The following EPB41L3 variants were observed in gnomAD, a reference collection of about 807,000 sequenced individuals.
EPB41L3 encodes erythrocyte membrane protein band 4.1 like 3, also known as band 4.1-like protein 3.
A neutral mutation model predicts 127.1 loss-of-function variants in EPB41L3; 57 were observed. The ratio of observed to expected loss-of-function variants is 0.45; its 90% confidence interval spans 0.36 to 0.56. EPB41L3 has a LOEUF of 0.56. Ranked by LOEUF, EPB41L3 falls within the 20% of genes least tolerant of loss-of-function variation. EPB41L3 has a pLI of 0.00. For missense variants in EPB41L3, 1,273 were observed against 1,372.2 expected (o/e 0.93, Z 1.14); for synonymous variants, 572 against 549.5 (o/e 1.04, Z -0.57).
At chr18:5,596,756 TA>T (rs1201042463) in intron 3 of EPB41L3, among the ~76,000 whole-genome samples, 2 of 152,200 alleles carry the variant, frequency 1.3e-5, no homozygotes, top group Non-Finnish European at 2.9e-5. Context: ...TCTTTTAAAA[TA>T]AAAACATTAC....
intron 3 of EPB41L3, among the ~76,000 whole-genome samples, chr18:5,606,851 CA>C (rs2094658888): frequency 6.6e-6 from 1 of 151,488 alleles, no homozygotes; most frequent in Admixed American, 6.6e-5. Flanking sequence ...TGAATTTACA[CA>C]GTCCCTAACA....
intron 1 of EPB41L3, among the ~76,000 whole-genome samples, chr18:5,615,797 CAGAG>C (rs1343400578): frequency 6.6e-6 from 1 of 152,172 alleles, no homozygotes; most frequent in Non-Finnish European, 1.5e-5. Flanking sequence ...ATTTTTAACA[CAGAG>C]AGAGAAACAG....
At chr18:5,479,936 GTA>G (rs1158789131) in intron 2 of EPB41L3, 1 of 151,820 alleles carries the variant, frequency 6.6e-6, no homozygotes, top group African/African-American at 2.4e-5. Flanking sequence ...CTTTGGTATT[GTA>G]TATCAACAAC....
At chr18:5,589,339 C>T (rs1290456494) in intron 3 of EPB41L3, among the ~76,000 whole-genome samples, 1 of 149,422 alleles carries the variant, frequency 6.7e-6, no homozygotes, top group Admixed American at 6.7e-5. Context: ...ACTTGAATCT[C>T]TTGTAAAAGA....
chr18:5,578,300 G>T (rs1357373040), intron 3 of EPB41L3, among the ~76,000 whole-genome samples: 1 of 152,116 alleles, frequency 6.6e-6, no homozygotes, highest in Non-Finnish European at 1.5e-5. Flanking sequence ...TCAAGAAATT[G>T]TTACTGTTAG....
intron 1 of EPB41L3, among the ~76,000 whole-genome samples, chr18:5,500,092 G>T (rs77226736): frequency 0.021 from 3,121 of 152,050 alleles, 106 homozygotes; most frequent in African/African-American, 0.07. Flanking sequence ...AATCAGTTAC[G>T]ATTTTGAAGC....
chr18:5,622,524 G>C (rs191938120), intron 1 of EPB41L3, among the ~76,000 whole-genome samples: 1 of 152,292 alleles, frequency 6.6e-6, no homozygotes, highest in East Asian at 1.9e-4. Context: ...AGGCAATCTT[G>C]CTCATTTTAT....
At position 5,531,957 on chromosome 18, in the gene EPB41L3, C is replaced by G. The variant is rs556965710; in HGVS notation, c.-12+11956G>C. 1.8e-4 allele frequency among the ~76,000 whole-genome samples: 27 copies of G among 152,054 alleles called. 2 individuals are homozygous for G. In the South Asian group the frequency reaches 4.2e-3, roughly 23 times the overall value. On this transcript the variant is annotated intron_variant, in intron 1 of 22. Transcript: ENST00000341928. ...CACTATTACAAGGAAAGGCAAGGTA[C>G]AAGAAAAAAGAGTGGTAAGAGTAAG... is the stretch of plus-strand genomic sequence containing the variant.
In EPB41L3 at chr18:5,499,325, A is replaced by G. The variant is rs9949421; in HGVS notation, c.-11-10131T>C. ...ACATTGGTATGCGGTACTACTCTTC[A>G]CCTCCTATTCCTCTTTCAGAACTGG... On this transcript the variant is annotated intron_variant, in intron 1 of 22. Transcript: ENST00000341928. 4.6e-3 allele frequency among the ~76,000 whole-genome samples: 701 copies of G among 152,176 alleles called. 6 individuals are homozygous for G. The highest frequency in any genetic ancestry group is 0.015 in the African/African-American group (640 of 41,510).
chr18:5,395,722 G>T lies in EPB41L3; in HGVS notation c.2974-15C>A. 1 of 1,607,834 alleles carries T rather than the reference G, an allele frequency of 6.2e-7. No individual in the cohort carries two copies. Among genetic ancestry groups the T allele is most frequent in the Non-Finnish European group, 8.5e-7 (1 of 1,174,574 alleles). ...CCTGGATCGACCTAAAGCAGCAGAGGCATAGACCCCTCATCCAGGTGCTCA... is the reference window on the plus strand; with the variant it reads ...CCTGGATCGACCTAAAGCAGCAGAGTCATAGACCCCTCATCCAGGTGCTCA... On this transcript the variant is annotated splice_polypyrimidine_tract_variant and intron_variant, in intron 19 of 22. Coordinates refer to ENST00000341928, the MANE Select transcript of EPB41L3 (RefSeq NM_012307.5).
intron 1 of EPB41L3, among the ~76,000 whole-genome samples, chr18:5,531,226 A>G (rs934947146): frequency 1.3e-5 from 2 of 152,232 alleles, no homozygotes; most frequent in South Asian, 2.1e-4. Context: ...TCAAATCACA[A>G]ATTCAAGCCT....
At chr18:5,444,241 A>G (rs6506302) in intron 4 of EPB41L3, among the ~76,000 whole-genome samples, 111,084 of 152,182 alleles carry the variant, frequency 0.73, 40,656 homozygotes, top group East Asian at 0.83. Flanking sequence ...ATACACTGAT[A>G]TCCTAGCCAT....
In EPB41L3 at chr18:5,519,939, C is replaced by T. The variant is rs186989828; in HGVS notation, c.-12+23974G>A. 1.3e-3 allele frequency among the ~76,000 whole-genome samples: 202 copies of T among 152,282 alleles called. 5 individuals carry two copies. The South Asian group carries it at 0.04, about 30-fold the overall frequency. On this transcript the variant is annotated intron_variant, in intron 1 of 22. Transcript: ENST00000341928. ...AAATGTTGGCTAGGACAACTCAAAC[C>T]TAAAATGTCTGCAGGCATTAAAGCA...
chr18:5,471,267 C>G (rs575088860), intron 3 of EPB41L3, among the ~76,000 whole-genome samples: 39 of 152,180 alleles, frequency 2.6e-4, no homozygotes, highest in Non-Finnish European at 5.0e-4. Context: ...GCACCGCCAT[C>G]TGAACCCAGG....
chr18:5,555,956 T>C (rs1181923307), intron 3 of EPB41L3, among the ~76,000 whole-genome samples: 25 of 152,160 alleles, frequency 1.6e-4, no homozygotes, highest in Admixed American at 1.6e-3. Flanking sequence ...GTAGCATCAG[T>C]CCCTCTGCTT....
rs1004962421 is a variant in EPB41L3 at position 5,472,644 on chromosome 18, C to G, written c.381+5597G>C. Among the ~76,000 whole-genome samples, 5 of 152,276 alleles carry G rather than the reference C, an allele frequency of 3.3e-5. No homozygotes were observed. The East Asian group carries it at 7.7e-4, about 24-fold the overall frequency. On this transcript the variant is annotated intron_variant, in intron 3 of 22. Transcript: ENST00000341928. ...TAATTCAAGAAAAGCAAAAGGTACT[C>G]TAACTTTCTACATTATGGCAATTCT...
intron 1 of EPB41L3, among the ~76,000 whole-genome samples, chr18:5,530,331 T>A (rs1598704985): frequency 6.6e-6 from 1 of 152,018 alleles, no homozygotes; most frequent in African/African-American, 2.4e-5. Flanking sequence ...GTTCACTGAG[T>A]CATTCATGTA....
At chr18:5,538,994 G>GTTTTT (rs1568535153) in intron 1 of EPB41L3, among the ~76,000 whole-genome samples, 1 of 128,628 alleles carries the variant, frequency 7.8e-6, no homozygotes. Flanking sequence ...CTTTCTCCAA[G>GTTTTT]ATTTTTTTTT....
chr18:5,441,309 T>C (rs1484423684), intron 5 of EPB41L3, among the ~76,000 whole-genome samples: 2 of 152,206 alleles, frequency 1.3e-5, no homozygotes, highest in East Asian at 1.9e-4. Flanking sequence ...CATCCTTTTA[T>C]CATTTATATT....
Sources: gnomAD v4.1 joint callset for allele counts (sites outside exome capture counted in the v4.1 genomes callset) on GRCh38, gnomAD v4.1.1 for gene constraint, MANE v1.5 for transcripts, NCBI Gene and HGNC (gene_info 2026-07-23, HGNC 2026-07-21) for gene names.